CGREF1: variants seen among roughly 807,000 people sequenced by gnomAD.
The protein encoded by CGREF1 is cell growth regulator with EF-hand domain 1.
In CGREF1, 16 loss-of-function variants were observed where a neutral mutation model predicts 17.4. That is an observed-to-expected ratio of 0.92 (90% CI 0.62 to 1.40). The LOEUF (loss-of-function observed/expected upper bound fraction) is 1.40, where lower values mean the gene tolerates loss of function less well. Ranked by LOEUF, CGREF1 falls within the 40% of genes most tolerant of loss-of-function variation. The probability of loss-of-function intolerance (pLI) is 0.00; values close to 1 mark genes in which losing one functional copy is unlikely to be tolerated. For synonymous variants in CGREF1, 142 were observed against 154.6 expected (o/e 0.92, Z 0.61); for missense variants, 296 against 376.4 (o/e 0.79, Z 1.77).
At chr2:27,103,101 CGTT>C (rs1019111286) in intron 2 of CGREF1, 16 of 985,354 alleles carry the variant, frequency 1.6e-5, no homozygotes, top group African/African-American at 1.4e-4. Flanking sequence ...CTCAGGATCT[CGTT>C]GTCAGTCTTT....
chr2:27,112,409 ACTT>A (rs1461312327), intron 1 of CGREF1, among the ~76,000 whole-genome samples: 1 of 152,202 alleles, frequency 6.6e-6, no homozygotes, highest in Non-Finnish European at 1.5e-5. Flanking sequence ...TCCTAGAAAA[ACTT>A]AATAGCAAAA....
chr2:27,101,622 A>G lies in CGREF1; in HGVS notation c.609T>C (p.Asp203=). The change falls in exon 6 of 6, where the codon GAT becomes GAC. Residue 203 remains aspartate, a synonymous_variant. Transcript: ENST00000402394. ...CCTGGCCCCCAGGCTCCTGGACAGG[A>G]TCCAAAGACTCCCTTCTGGCCTCTA... ...GQVEARRESL[D]PVQEPGGQAE... 6.2e-7 allele frequency: 1 copy of G among 1,613,922 alleles called. No homozygotes were observed. The highest frequency in any genetic ancestry group is 1.1e-5 in the South Asian group (1 of 91,070).
chr2:27,108,073 G>A (rs915140455), intron 1 of CGREF1, among the ~76,000 whole-genome samples: 2 of 151,894 alleles, frequency 1.3e-5, no homozygotes, highest in Non-Finnish European at 2.9e-5. Flanking sequence ...TGGCCAACAT[G>A]GTGAAACCCC....
At chr2:27,104,112 G>C (rs1389798394) in intron 2 of CGREF1, among the ~76,000 whole-genome samples, 175 bp downstream of exon 2, 1 of 152,172 alleles carries the variant, frequency 6.6e-6, no homozygotes, top group Non-Finnish European at 1.5e-5. Flanking sequence ...TGTACTGAAT[G>C]CCCACTTTGT....
At chr2:27,109,213 T>C (rs1255879017) in intron 1 of CGREF1, among the ~76,000 whole-genome samples, 6 of 150,892 alleles carry the variant, frequency 4.0e-5, no homozygotes, top group South Asian at 2.1e-4. Context: ...CTACAAAAAA[T>C]AGGAAAAAAT....
intron 5 of CGREF1, 42 bp downstream of exon 5, chr2:27,102,055 T>TGGGTCTCCTTTATGCGG (rs748791468): frequency 1.3e-6 from 2 of 1,577,394 alleles, no homozygotes; most frequent in Non-Finnish European, 1.7e-6. Context: ...CCCAAAGTGC[T>TGGGTCTCCTTTATGCGG]GGGTCTCCTT....
chr2:27,107,059 C>T (rs547830351), intron 1 of CGREF1, among the ~76,000 whole-genome samples: 3 of 152,320 alleles, frequency 2.0e-5, no homozygotes, highest in East Asian at 1.9e-4. Context: ...TCTGGAGCAA[C>T]TCTAATCCAG....
chr2:27,103,762 A>G (rs959710194), intron 2 of CGREF1, among the ~76,000 whole-genome samples: 7 of 149,772 alleles, frequency 4.7e-5, no homozygotes, highest in Non-Finnish European at 1.0e-4. Flanking sequence ...ATGTGGGCGG[A>G]TCACAAGGTC....
intron 1 of CGREF1, chr2:27,104,590 C>A (rs1671045167): frequency 6.4e-7 from 1 of 1,550,506 alleles, no homozygotes; most frequent in African/African-American, 1.4e-5. Context: ...GTATATAAAG[C>A]ACATAAAGGC....
chr2:27,100,515 G>T (rs990611110), downstream of CGREF1: 35 of 1,290,976 alleles, frequency 2.7e-5, no homozygotes, highest in Non-Finnish European at 3.4e-5. Context: ...TGGAATTGGG[G>T]CCAACTCCAA....
At chr2:27,106,890 T>TTAC (rs1212940399) in intron 1 of CGREF1, among the ~76,000 whole-genome samples, 1 of 152,224 alleles carries the variant, frequency 6.6e-6, no homozygotes, top group Non-Finnish European at 1.5e-5. Context: ...ACTGCTGGGA[T>TTAC]TACAGGCATG....
chr2:27,100,851 A>G lies in CGREF1; in HGVS notation c.*423T>C. 9.2e-7 allele frequency: 1 copy of G among 1,092,320 alleles called. No homozygotes were observed. Among genetic ancestry groups the G allele is most frequent in the Non-Finnish European group, 1.1e-6 (1 of 895,074 alleles). 67.7% of individuals were successfully genotyped at this position (1,092,320 alleles called of 1,614,324 possible). A position where few individuals can be genotyped will look rare whatever the true frequency, so the allele number is the denominator to read the frequency against. On this transcript the variant is annotated 3_prime_UTR_variant, in exon 6 of 6. Coordinates refer to ENST00000402394, the MANE Select transcript of CGREF1 (RefSeq NM_006569.6). ...CTGCAGGAGAGCATGGGGTGTCTGA[A>G]CACCAGGTGAGGGGGAACCGGTGAG...
downstream of CGREF1, chr2:27,099,793 C>T (rs1224580333): frequency 7.5e-6 from 12 of 1,601,032 alleles, no homozygotes; most frequent in East Asian, 4.5e-5. Context: ...ACTACCATTG[C>T]GGCTGCATCG....
At chr2:27,113,990 CTTTTTT>C (rs60288087) in intron 1 of CGREF1, among the ~76,000 whole-genome samples, 1 of 102,342 alleles carries the variant, frequency 9.8e-6, no homozygotes, top group Non-Finnish European at 1.8e-5. Context: ...TAGCAGGTGC[CTTTTTT>C]TTTTTTTTTT....
chr2:27,108,778 C>T (rs867032052), intron 1 of CGREF1, among the ~76,000 whole-genome samples: 3 of 152,142 alleles, frequency 2.0e-5, no homozygotes, highest in Admixed American at 6.5e-5. Context: ...ATTCTATTCT[C>T]AGCAAAATTA....
rs537582075 is a variant in CGREF1 at position 27,116,871 on chromosome 2, T to TTCTCTCTCTCTCTCTCTC, written c.-12+1957_-12+1974dup. Among the ~76,000 whole-genome samples, 108 of 33,650 alleles carry TTCTCTCTCTCTCTCTCTC rather than the reference T, an allele frequency of 3.2e-3. 1 individual carries two copies. Among genetic ancestry groups the TTCTCTCTCTCTCTCTCTC allele is most frequent in the South Asian group, 9.3e-3 (6 of 646 alleles). 22.1% of individuals were successfully genotyped at this position (33,650 alleles called of 152,430 possible). A position where few individuals can be genotyped will look rare whatever the true frequency, so the allele number is the denominator to read the frequency against. On this transcript the variant is annotated intron_variant, in intron 1 of 5. Coordinates refer to ENST00000402394, the MANE Select transcript of CGREF1 (RefSeq NM_006569.6). Reference sequence around the variant, plus strand: ...GGGATGAGCCACCAGGCCAGGCCTATTCTCTCTCTCTCTCTCTCTCTCTCT... The same window carrying TTCTCTCTCTCTCTCTCTC: ...GGGATGAGCCACCAGGCCAGGCCTATTCTCTCTCTCTCTCTCTCTCTCTCTCTCTCTCTCTCTCTCTCT...
intron 1 of CGREF1, among the ~76,000 whole-genome samples, chr2:27,111,586 G>A (rs1194081937): frequency 1.3e-5 from 2 of 152,188 alleles, no homozygotes; most frequent in Non-Finnish European, 2.9e-5. Context: ...TGGGAGGCTT[G>A]GGCCGTGCAG....
chr2:27,106,431 A>G (rs897311980), intron 1 of CGREF1, among the ~76,000 whole-genome samples: 1 of 152,216 alleles, frequency 6.6e-6, no homozygotes, highest in Non-Finnish European at 1.5e-5. Flanking sequence ...AGAGACTAAC[A>G]GGAGATTCCC....
In CGREF1 at chr2:27,101,307, C is replaced by A; in HGVS notation, c.924G>T (p.Val308=). Residue 308 remains valine (V), a synonymous_variant, in exon 6 of 6, where the codon GTG becomes GTT. Coordinates refer to ENST00000402394, the MANE Select transcript of CGREF1 (RefSeq NM_006569.6). ...CATCATTCTCCACTTGAACAATGTG[C>A]ACCTCAAAGTCATTTTGGGTGTTCT... The part of the protein sequence containing the change: ...ESKNTQNDFE[V]HIVQVENDEI 1 of 1,580,242 alleles carries A rather than the reference C, an allele frequency of 6.3e-7. No homozygotes were observed. Among genetic ancestry groups the A allele is most frequent in the Non-Finnish European group, 8.6e-7 (1 of 1,162,834 alleles).
Sources: gnomAD v4.1 joint callset for allele counts (sites outside exome capture counted in the v4.1 genomes callset) on GRCh38, gnomAD v4.1.1 for gene constraint, MANE v1.5 for transcripts, NCBI Gene and HGNC (gene_info 2026-07-23, HGNC 2026-07-21) for gene names.